Variants in GNA12 observed in about 807,000 individuals in gnomAD.
GNA12 encodes guanine nucleotide-binding protein subunit alpha-12.
GNA12 carries 9 observed loss-of-function variants against 26.0 expected under a neutral mutation model. That is an observed-to-expected ratio of 0.35 (90% CI 0.21 to 0.60). The LOEUF (loss-of-function observed/expected upper bound fraction) is 0.60, where lower values mean the gene tolerates loss of function less well. Ranked by LOEUF, GNA12 falls within the 20% of genes least tolerant of loss-of-function variation. GNA12 has a pLI of 0.78. For synonymous variants in GNA12, 264 were observed against 219.6 expected (o/e 1.20, Z -1.79); for missense variants, 405 against 525.8 (o/e 0.77, Z 2.25).
chr7:2,814,439 G>A (rs1342769292), intron 1 of GNA12: 1 of 1,055,226 alleles, frequency 9.5e-7, no homozygotes, highest in South Asian at 1.2e-5. Context: ...AAGACAATTA[G>A]AGACATCAGA....
Position 2,731,445 on chromosome 7 carries a change from G to A in GNA12, c.882C>T (p.Phe294=), listed in dbSNP as rs1307023091. The stretch of plus-strand genomic sequence containing the variant: ...CCACCAGGAGGTCCATCTTGTTGAG[G>A]AAGAGAATGATGGAGACGTTGAAGA... ...KLFFNVSIIL[F]LNKMDLLVEK... Residue 294 remains phenylalanine, a synonymous_variant, in exon 4 of 4, where the codon TTC becomes TTT. Coordinates refer to ENST00000275364, the MANE Select transcript of GNA12 (RefSeq NM_007353.3). The surrounding 1 kb of genome is among the most constrained non-coding windows in gnomAD (Gnocchi z 6.0). 1.2e-6 allele frequency: 2 copies of A among 1,613,840 alleles called. No homozygotes were observed. The highest frequency in any genetic ancestry group is 1.7e-6 in the Non-Finnish European group (2 of 1,179,816).
chr7:2,760,625 C>T (rs1791510437), intron 2 of GNA12, among the ~76,000 whole-genome samples: 1 of 152,234 alleles, frequency 6.6e-6, no homozygotes, highest in East Asian at 1.9e-4. Flanking sequence ...CCACACACAT[C>T]CCTCAAGCAG....
intron 2 of GNA12, among the ~76,000 whole-genome samples, chr7:2,784,664 A>G (rs1355334286): frequency 6.6e-6 from 1 of 152,190 alleles, no homozygotes; most frequent in Non-Finnish European, 1.5e-5. Context: ...TGTTTCCACA[A>G]TGAGTGGCAT....
intron 2 of GNA12, among the ~76,000 whole-genome samples, chr7:2,753,064 C>T (rs1791114146): frequency 6.6e-6 from 1 of 152,162 alleles, no homozygotes; most frequent in Non-Finnish European, 1.5e-5. Flanking sequence ...TGATTTCCAT[C>T]TCTAGAATGT....
intron 2 of GNA12, among the ~76,000 whole-genome samples, chr7:2,740,981 C>T (rs1790469379): frequency 6.6e-6 from 1 of 152,200 alleles, no homozygotes; most frequent in South Asian, 2.1e-4. Context: ...GGAGGCAGAG[C>T]TTGCAGTGAG....
At chr7:2,771,270 G>A (rs991172391) in intron 2 of GNA12, among the ~76,000 whole-genome samples, 6 of 152,104 alleles carry the variant, frequency 3.9e-5, no homozygotes, top group Middle Eastern at 6.8e-3. Context: ...CAGCCTGGGC[G>A]ACAGAGCAAG....
intron 2 of GNA12, among the ~76,000 whole-genome samples, chr7:2,758,799 T>C (rs897712298): frequency 1.3e-5 from 2 of 152,108 alleles, no homozygotes; most frequent in African/African-American, 2.4e-5. Context: ...ACTCATCTAA[T>C]AGAACACCAC....
intron 1 of GNA12, chr7:2,814,317 A>T: frequency 6.5e-7 from 1 of 1,543,850 alleles, no homozygotes; most frequent in Non-Finnish European, 9.0e-7. Context: ...CTCACCCTGG[A>T]CCCAGGGTGT....
intron 2 of GNA12, among the ~76,000 whole-genome samples, chr7:2,758,938 C>T (rs1230146938): frequency 1.3e-5 from 2 of 151,914 alleles, no homozygotes; most frequent in Non-Finnish European, 2.9e-5. Context: ...GTCAGGAGTT[C>T]GAGACCAGCC....
chr7:2,826,147 G>A (rs1404957376), intron 1 of GNA12, among the ~76,000 whole-genome samples: 1 of 152,078 alleles, frequency 6.6e-6, no homozygotes, highest in Non-Finnish European at 1.5e-5. Flanking sequence ...GGGAGGCGCA[G>A]GCGGGCAGAT....
intron 2 of GNA12, among the ~76,000 whole-genome samples, chr7:2,766,409 C>T (rs1562417174): frequency 7.3e-6 from 1 of 137,340 alleles, no homozygotes; most frequent in Non-Finnish European, 1.5e-5. Flanking sequence ...TTTTTTGAGA[C>T]GGAGTCTTGC....
chr7:2,763,808 C>T (rs1791687841), intron 2 of GNA12, among the ~76,000 whole-genome samples: 1 of 152,148 alleles, frequency 6.6e-6, no homozygotes. Context: ...CCTGGGCAGG[C>T]GAGGCCGGGA....
At chr7:2,787,664 G>T (rs1320664781) in intron 2 of GNA12, among the ~76,000 whole-genome samples, 1 of 152,266 alleles carries the variant, frequency 6.6e-6, no homozygotes. Context: ...CGCTTCCGTT[G>T]TGGGTCCACG....
chr7:2,754,452 G>C (rs1048375331), intron 2 of GNA12, among the ~76,000 whole-genome samples: 2 of 152,040 alleles, frequency 1.3e-5, no homozygotes, highest in African/African-American at 4.8e-5. Context: ...CTCTTACTAA[G>C]AGGATCTGGG....
intron 1 of GNA12, among the ~76,000 whole-genome samples, chr7:2,796,287 A>G (rs1792671352): frequency 6.6e-6 from 1 of 152,208 alleles, no homozygotes; most frequent in Admixed American, 6.5e-5. Flanking sequence ...TAAGAGATTA[A>G]TAATAGCTAA....
chr7:2,796,209 G>A (rs1388171401), intron 1 of GNA12, among the ~76,000 whole-genome samples: 3 of 152,156 alleles, frequency 2.0e-5, no homozygotes, highest in African/African-American at 4.8e-5. Flanking sequence ...CTCAGTGGAT[G>A]TCTGAACGGT....
intron 1 of GNA12, among the ~76,000 whole-genome samples, chr7:2,841,161 CTTTTTT>C (rs367857844): frequency 6.6e-5 from 10 of 151,672 alleles, no homozygotes; most frequent in African/African-American, 2.4e-4. Flanking sequence ...TTTTCTTTTT[CTTTTTT>C]TTGAGACGGA....
At chr7:2,753,551 G>A (rs1250641147) in intron 2 of GNA12, among the ~76,000 whole-genome samples, 1 of 152,116 alleles carries the variant, frequency 6.6e-6, no homozygotes, top group Non-Finnish European at 1.5e-5. Context: ...AGAATTCCAT[G>A]GTCTGAACGT....
At chr7:2,761,706 G>C (rs1032852353) in intron 2 of GNA12, among the ~76,000 whole-genome samples, 1 of 152,148 alleles carries the variant, frequency 6.6e-6, no homozygotes, top group Non-Finnish European at 1.5e-5. Context: ...CCGAATCCTT[G>C]AATTTGCTTA....
Sources: allele counts gnomAD v4.1 joint callset (sites outside exome capture counted in the v4.1 genomes callset), GRCh38; gene constraint gnomAD v4.1.1; non-coding constraint Gnocchi (gnomAD v3.1); transcripts MANE v1.5; gene names NCBI Gene and HGNC (gene_info 2026-07-23, HGNC 2026-07-21).